The following PARP15 variants were observed in gnomAD, a reference collection of about 807,000 sequenced individuals.
PARP15 encodes protein mono-ADP-ribosyltransferase PARP15.
Under a neutral mutation model 62.1 loss-of-function variants are expected in PARP15, and 50 were observed. The observed-to-expected ratio is 0.81, with a 90% CI of 0.64 to 1.02. The LOEUF is 1.02. Among genes scored for constraint, PARP15 ranks in the 50% least tolerant of loss-of-function variants. The pLI, the probability that PARP15 is intolerant of heterozygous loss-of-function variation, is 0.00. For synonymous variants in PARP15, 309 were observed against 293.1 expected, an observed-to-expected ratio of 1.05 and a Z score of -0.55; for missense variants, 820 against 826.5, an observed-to-expected ratio of 0.99 and a Z score of 0.10.
chr3:122,596,342 G>C (rs1450807976), intron 1 of PARP15, among the ~76,000 whole-genome samples: 1 of 108,972 alleles, frequency 9.2e-6, no homozygotes, highest in Non-Finnish European at 1.7e-5. Flanking sequence ...GCAACAGAGC[G>C]AGACTCCATC....
chr3:122,611,751 G>A, intron 3 of PARP15, among the ~76,000 whole-genome samples: 1 of 151,668 alleles, frequency 6.6e-6, no homozygotes, highest in Non-Finnish European at 1.5e-5. Flanking sequence ...TTTTGCTCTT[G>A]TTGCCCAGGC....
intron 2 of PARP15, among the ~76,000 whole-genome samples, chr3:122,608,885 A>G (rs1935365271): frequency 6.6e-6 from 1 of 151,288 alleles, no homozygotes; most frequent in African/African-American, 2.4e-5. Context: ...CTCCCACCTC[A>G]GCTTTCCAAG....
intron 1 of PARP15, among the ~76,000 whole-genome samples, chr3:122,580,296 G>A (rs2080777435): frequency 6.6e-6 from 1 of 151,658 alleles, no homozygotes; most frequent in South Asian, 2.1e-4. Context: ...TTTCTCCTCG[G>A]AGTTCTCTCA....
chr3:122,606,129 G>A (rs566436478), intron 2 of PARP15, 74 bp downstream of exon 2: 1 of 1,437,140 alleles, frequency 7.0e-7, no homozygotes, highest in African/African-American at 1.4e-5. Context: ...GTTGTTCCAT[G>A]ATTTAATTTG....
rs1245034459 is a variant in PARP15, at chr3:122,636,151, TG to T, written c.*52del. On this transcript the variant is annotated 3_prime_UTR_variant, in exon 12 of 12. Coordinates refer to ENST00000464300, the MANE Select transcript of PARP15 (RefSeq NM_001113523.3). The stretch of plus-strand genomic sequence containing the variant: ...ATTTAAGTCATCTGTAAGAACAACA[TG>T]CAATCTTTGTCTTTGCTTCTGGCCT... 2 of 1,527,668 alleles carry T rather than the reference TG, an allele frequency of 1.3e-6. No homozygotes were observed. Among genetic ancestry groups the T allele is most frequent in the Non-Finnish European group, 1.8e-6 (2 of 1,120,616 alleles). The allele number at this position is 1,527,668 out of a possible 1,614,324, so 94.6% of individuals were successfully genotyped here. A position where few individuals can be genotyped will look rare whatever the true frequency, so the allele number is the denominator to read the frequency against.
Position 122,627,474 on chromosome 3 carries a change from G to A in PARP15, c.1438+441G>A, listed in dbSNP as rs572369237. ...AGGGAGTGGCTAGGGTCAGCTGGGT[G>A]TACTACATCACAAGCAGCCAGACAG... On this transcript the variant is annotated intron_variant, in intron 9 of 11. Coordinates refer to ENST00000464300, the MANE Select transcript of PARP15 (RefSeq NM_001113523.3). Among the ~76,000 whole-genome samples, 6 of 152,302 alleles carry A rather than the reference G, an allele frequency of 3.9e-5. No individual in the cohort carries two copies. The South Asian group carries it at 1.2e-3, about 32-fold the overall frequency.
chr3:122,617,529 T>C (rs1047669604), intron 6 of PARP15, among the ~76,000 whole-genome samples: 3 of 152,330 alleles, frequency 2.0e-5, no homozygotes, highest in Admixed American at 6.5e-5. Flanking sequence ...CTATTTTTAC[T>C]TTCCTGTTTA....
At chr3:122,630,114 A>G (rs1271096279) in intron 9 of PARP15, among the ~76,000 whole-genome samples, 1 of 152,202 alleles carries the variant, frequency 6.6e-6, no homozygotes, top group Non-Finnish European at 1.5e-5. Flanking sequence ...TGCCTAGCAC[A>G]TGGAAACACT....
chr3:122,632,291 A>G lies in PARP15; in HGVS notation c.1572+72A>G. 2.1e-6 allele frequency: 3 copies of G among 1,401,512 alleles called. No individual in the cohort carries two copies. The East Asian group carries it at 7.0e-5, about 33-fold the overall frequency. 86.8% of individuals were successfully genotyped at this position (1,401,512 alleles called of 1,614,324 possible). A position where few individuals can be genotyped will look rare whatever the true frequency, so the allele number is the denominator to read the frequency against. On this transcript the variant is annotated intron_variant, in intron 10 of 11. Coordinates refer to ENST00000464300, the MANE Select transcript of PARP15 (RefSeq NM_001113523.3). ...CATAAAAGCTATCTCTTTTTAAATAACACCCTTCCTTCCTTTGTACCTTAC... is the reference window on the plus strand; with the variant it reads ...CATAAAAGCTATCTCTTTTTAAATAGCACCCTTCCTTCCTTTGTACCTTAC...
chr3:122,582,439 A>G (rs1368630428), intron 1 of PARP15, among the ~76,000 whole-genome samples: 1 of 152,158 alleles, frequency 6.6e-6, no homozygotes, highest in African/African-American at 2.4e-5. Context: ...AGCCTCCCAA[A>G]GTGTTGAGAT....
At chr3:122,597,414 GGTTA>G (rs1306344682) in intron 1 of PARP15, among the ~76,000 whole-genome samples, 2 of 151,936 alleles carry the variant, frequency 1.3e-5, no homozygotes, top group East Asian at 3.9e-4. Flanking sequence ...ACAATGTGCA[GGTTA>G]GTTACATATG....
At chr3:122,602,768 C>G (rs1422572129) in intron 1 of PARP15, among the ~76,000 whole-genome samples, 1 of 152,148 alleles carries the variant, frequency 6.6e-6, no homozygotes, top group African/African-American at 2.4e-5. Flanking sequence ...TTCAATATTA[C>G]AACGAATGTC....
rs1281475108 is a variant in PARP15 at position 122,637,921 on chromosome 3, G to A, written c.*1821G>A. The A allele has an allele frequency of 6.6e-6, 1 of 151,970 alleles. No homozygotes were observed. The highest frequency in any genetic ancestry group is 2.4e-5 in the African/African-American group (1 of 41,360). 9.4% of individuals were successfully genotyped at this position (151,970 alleles called of 1,614,324 possible). On this transcript the variant is annotated 3_prime_UTR_variant, in exon 12 of 12. Coordinates refer to ENST00000464300, the MANE Select transcript of PARP15 (RefSeq NM_001113523.3). ...CCAGTAACTCATCATTTAGCATTAG[G>A]TATATCTCCAAATGCTATCCCTCTC...
chr3:122,580,905 G>T (rs1186946304), intron 1 of PARP15, among the ~76,000 whole-genome samples: 1 of 152,168 alleles, frequency 6.6e-6, no homozygotes, highest in East Asian at 1.9e-4. Context: ...GGTCCTGGAA[G>T]ATTATAATAC....
intron 1 of PARP15, among the ~76,000 whole-genome samples, chr3:122,601,039 T>TTTTTTTTTC (rs1934757344): frequency 7.7e-6 from 1 of 130,334 alleles, no homozygotes; most frequent in African/African-American, 3.4e-5. Flanking sequence ...TTTTATGGTT[T>TTTTTTTTTC]TTTTTTTTTT....
chr3:122,600,880 C>T (rs1934734179), intron 1 of PARP15, among the ~76,000 whole-genome samples: 1 of 151,270 alleles, frequency 6.6e-6, no homozygotes, highest in Non-Finnish European at 1.5e-5. Flanking sequence ...TCTCAAATAC[C>T]CCCCTCCCCT....
intron 2 of PARP15, among the ~76,000 whole-genome samples, chr3:122,607,826 C>A (rs1935257199): frequency 6.6e-6 from 1 of 151,230 alleles, no homozygotes; most frequent in Non-Finnish European, 1.5e-5. Flanking sequence ...CCCTAATAAG[C>A]CCTCTTTCAA....
intron 1 of PARP15, among the ~76,000 whole-genome samples, chr3:122,593,124 G>GTATC (rs1553727466): frequency 0.77 from 103,193 of 133,310 alleles, 38,097 homozygotes; most frequent in East Asian, 0.89. Context: ...ATCTATCTAT[G>GTATC]TATCTATCTA....
rs941826302 is a variant in PARP15, at chr3:122,594,487, A to T, written c.187-11449A>T. On this transcript the variant is annotated intron_variant, in intron 1 of 11. Transcript: ENST00000464300. ...ATTACACTTGGAGAGGTAACTGTTG[A>T]TCCTGTTCCTCAAACGATCTCAAAT... is the stretch of plus-strand genomic sequence containing the variant. 1.2e-5 allele frequency: 11 copies of T among 934,962 alleles called. No homozygotes were observed. In the African/African-American group the frequency reaches 2.0e-4, roughly 17 times the overall value. The allele number at this position is 934,962 out of a possible 1,614,324, so 57.9% of individuals were successfully genotyped here.
Sources: gnomAD v4.1 joint callset for allele counts (sites outside exome capture counted in the v4.1 genomes callset) on GRCh38, gnomAD v4.1.1 for gene constraint, MANE v1.5 for transcripts, NCBI Gene and HGNC (gene_info 2026-07-23, HGNC 2026-07-21) for gene names.